Variants in EBF1 observed in about 807,000 individuals in gnomAD.
EBF1 encodes the protein transcription factor COE1.
In EBF1, 10 loss-of-function variants were observed where a neutral mutation model predicts 68.4. The ratio of observed to expected loss-of-function variants is 0.15; its 90% CI spans 0.09 to 0.25. The LOEUF is 0.25. EBF1 is among the 10% of genes least tolerant of loss of function. The pLI, the probability that EBF1 is intolerant of heterozygous loss-of-function variation, is 1.00. For missense variants in EBF1, 509 were observed against 794.4 expected, an observed-to-expected ratio of 0.64 and a Z score of 4.32; for synonymous variants, 298 against 299.8, an observed-to-expected ratio of 0.99 and a Z score of 0.06.
intron 6 of EBF1, among the ~76,000 whole-genome samples, chr5:158,867,100 T>C (rs1185579688): frequency 2.6e-5 from 4 of 151,946 alleles, no homozygotes; most frequent in African/African-American, 9.7e-5. Flanking sequence ...AAGTGGTCAA[T>C]GTTAATTTCA....
intron 6 of EBF1, among the ~76,000 whole-genome samples, chr5:159,071,026 G>T (rs1777695911): frequency 6.6e-6 from 1 of 152,154 alleles, no homozygotes; most frequent in South Asian, 2.1e-4. Flanking sequence ...TCTTGCATAA[G>T]TTCTTCTCTT....
chr5:158,841,434 T>G, intron 6 of EBF1, among the ~76,000 whole-genome samples: 1 of 152,222 alleles, frequency 6.6e-6, no homozygotes, highest in East Asian at 1.9e-4. Flanking sequence ...CTAGATGTGA[T>G]GTGCCTGTGG....
At chr5:159,011,740 G>C (rs926237867) in intron 6 of EBF1, among the ~76,000 whole-genome samples, 14 of 152,146 alleles carry the variant, frequency 9.2e-5, no homozygotes, top group Admixed American at 3.9e-4. Flanking sequence ...GCAATACAAA[G>C]AGCATTTCCT....
chr5:158,813,441 G>A (rs1053033139), intron 8 of EBF1, among the ~76,000 whole-genome samples: 2 of 152,090 alleles, frequency 1.3e-5, no homozygotes, highest in Non-Finnish European at 2.9e-5. Context: ...GCTACCTAAG[G>A]CACAATGGCT....
intron 10 of EBF1, among the ~76,000 whole-genome samples, chr5:158,765,522 G>C (rs1772469029): frequency 6.6e-6 from 1 of 152,160 alleles, no homozygotes; most frequent in Non-Finnish European, 1.5e-5. Context: ...AACCACCGAG[G>C]CTGATCCCAG....
chr5:158,787,681 A>T (rs984455729), intron 9 of EBF1, among the ~76,000 whole-genome samples: 25 of 152,170 alleles, frequency 1.6e-4, no homozygotes, highest in African/African-American at 5.5e-4. Flanking sequence ...TGTGACCTTC[A>T]GTTTCCTTAT....
chr5:158,933,481 C>T (rs1811336300), intron 6 of EBF1, among the ~76,000 whole-genome samples: 1 of 152,116 alleles, frequency 6.6e-6, no homozygotes, highest in Non-Finnish European at 1.5e-5. Flanking sequence ...TTTGGAGATG[C>T]TCAGAAAAAT....
chr5:158,840,666 T>G (rs1047184848), intron 6 of EBF1, among the ~76,000 whole-genome samples: 1,185 of 72,092 alleles, frequency 0.016, 3 homozygotes, highest in Non-Finnish European at 0.027. Flanking sequence ...TTTTTTTTTT[T>G]TTTTTTGTTT....
chr5:158,972,118 G>A (rs1353727722), intron 6 of EBF1, among the ~76,000 whole-genome samples: 1 of 152,192 alleles, frequency 6.6e-6, no homozygotes, highest in African/African-American at 2.4e-5. Context: ...CGTGCTGATT[G>A]TCCATGAAGG....
chr5:159,064,803 T>C (rs1376086938), intron 6 of EBF1, among the ~76,000 whole-genome samples: 1 of 152,082 alleles, frequency 6.6e-6, no homozygotes, highest in East Asian at 1.9e-4. Flanking sequence ...TTTCAACTGT[T>C]GGTAACAGCT....
intron 6 of EBF1, among the ~76,000 whole-genome samples, chr5:158,902,754 C>A (rs1340731250): frequency 6.6e-6 from 1 of 152,018 alleles, no homozygotes; most frequent in Non-Finnish European, 1.5e-5. Context: ...CAGAGCCCAG[C>A]CCAAAAGGCT....
chr5:158,705,268 A>G (rs1757626739), intron 15 of EBF1, among the ~76,000 whole-genome samples: 1 of 152,228 alleles, frequency 6.6e-6, no homozygotes, highest in South Asian at 2.1e-4. Context: ...GGTGTGAACC[A>G]CCACGCCCAG....
At chr5:158,847,211 T>C (rs1326781705) in intron 6 of EBF1, among the ~76,000 whole-genome samples, 1 of 152,178 alleles carries the variant, frequency 6.6e-6, no homozygotes, top group Non-Finnish European at 1.5e-5. Flanking sequence ...GGGAAGGGCA[T>C]CATTAGTGGC....
intron 6 of EBF1, among the ~76,000 whole-genome samples, chr5:159,006,436 G>A (rs951724639): frequency 6.6e-6 from 1 of 151,890 alleles, no homozygotes; most frequent in African/African-American, 2.4e-5. Flanking sequence ...AGGCTAGATG[G>A]TAAAGAGGCT....
At chr5:158,822,201 A>G (rs2127851820) in intron 8 of EBF1, among the ~76,000 whole-genome samples, 1 of 152,256 alleles carries the variant, frequency 6.6e-6, no homozygotes, top group East Asian at 1.9e-4. Context: ...GCAATTGAAG[A>G]AAGTCTAATA....
At chr5:159,061,732 T>TTG (rs976126262) in intron 6 of EBF1, among the ~76,000 whole-genome samples, 2 of 151,274 alleles carry the variant, frequency 1.3e-5, no homozygotes, top group Admixed American at 1.3e-4. Context: ...TTGTTTTGTT[T>TTG]TTTTTTTTTT....
Position 158,998,438 on chromosome 5 carries a change from G to C in EBF1, c.554+74958C>G, listed in dbSNP as rs1761890375. Among the ~76,000 whole-genome samples, 3 of 152,118 alleles carry C rather than the reference G, an allele frequency of 2.0e-5. No homozygotes were observed. In the South Asian group the frequency reaches 6.2e-4, roughly 32 times the overall value. On this transcript the variant is annotated intron_variant, in intron 6 of 15. Transcript: ENST00000313708. ...TATATTTATTTCTCTTCCACATCGA[G>C]GATGAGAGTTCCACAAGGCCAGGGA...
chr5:158,822,118 G>A (rs1430622126), intron 8 of EBF1, among the ~76,000 whole-genome samples: 1 of 152,170 alleles, frequency 6.6e-6, no homozygotes, highest in Non-Finnish European at 1.5e-5. Flanking sequence ...TTGTGTGGTA[G>A]TGTTCTGAAA....
At chr5:158,866,073 G>A (rs540931373) in intron 6 of EBF1, among the ~76,000 whole-genome samples, 10 of 152,304 alleles carry the variant, frequency 6.6e-5, no homozygotes, top group Admixed American at 3.3e-4. Flanking sequence ...TTATAGGCAT[G>A]GAAATGGAAG....
Sources: gnomAD v4.1 joint callset for allele counts (sites outside exome capture counted in the v4.1 genomes callset) on GRCh38, gnomAD v4.1.1 for gene constraint, MANE v1.5 for transcripts, NCBI Gene and HGNC (gene_info 2026-07-23, HGNC 2026-07-21) for gene names.